EIPR1: variants seen among roughly 807,000 people sequenced by gnomAD.
EIPR1 encodes the protein EARP and GARP complex-interacting protein 1.
In EIPR1, 25 loss-of-function variants were observed where a neutral mutation model predicts 48.1. That is an observed-to-expected ratio of 0.52 (90% CI 0.38 to 0.73). The LOEUF (loss-of-function observed/expected upper bound fraction) is 0.73. EIPR1 is among the 30% of genes least tolerant of loss of function. The pLI, the probability that EIPR1 is intolerant of heterozygous loss-of-function variation, is 0.00. For synonymous variants in EIPR1, 204 were observed against 201.9 expected (o/e 1.01, Z -0.09); for missense variants, 415 against 506.2 (o/e 0.82, Z 1.73).
chr2:3,258,674 C>A lies in EIPR1; in HGVS notation c.260-1219G>T, dbSNP rs1667238017. 2.0e-5 allele frequency among the ~76,000 whole-genome samples: 3 copies of A among 152,170 alleles called. 1 individual carries two copies. Among genetic ancestry groups the A allele is most frequent in the Admixed American group, 6.5e-5 (1 of 15,278 alleles). ...AGCAACGAACTCAATGACAAAATAT[C>A]TAACTTTGTGAATATTATTAATACC... On this transcript the variant is annotated intron_variant, in intron 3 of 8. Transcript: ENST00000382125.
Position 3,194,026 on chromosome 2 carries a change from A to T in EIPR1, c.794T>A (p.Val265Glu). ...GTGGGAGTGCTCCTCCAGGGTCTTC[A>T]CGGGTTCGGTGACATTTCGGGTGTC... ...FWDTRNVTEP[V>E]KTLEEHSHWV... The change falls in exon 7 of 9, where the codon GTG becomes GAG. Residue 265 changes from valine to glutamate, a missense_variant. Val to Glu is a moderately radical substitution (Grantham distance 121). Transcript: ENST00000382125. The T allele has an allele frequency of 6.2e-7, 1 of 1,613,812 alleles. No individual in the cohort carries two copies. Among genetic ancestry groups the T allele is most frequent in the African/African-American group, 1.3e-5 (1 of 75,012 alleles).
At chr2:3,271,912 T>C (rs1667711657) in intron 3 of EIPR1, among the ~76,000 whole-genome samples, 1 of 152,262 alleles carries the variant, frequency 6.6e-6, no homozygotes, top group African/African-American at 2.4e-5. Context: ...GGGTATTTCA[T>C]TGACACTGAA....
At chr2:3,306,958 TA>T (rs1351878778) in intron 3 of EIPR1, among the ~76,000 whole-genome samples, 1 of 148,322 alleles carries the variant, frequency 6.7e-6, no homozygotes, top group African/African-American at 2.5e-5. Flanking sequence ...CCAATCTTTT[TA>T]TTTTTTTTTT....
intron 3 of EIPR1, among the ~76,000 whole-genome samples, chr2:3,287,846 TGCTCCAGAAA>T (rs1412585315): frequency 6.6e-6 from 1 of 151,966 alleles, no homozygotes; most frequent in Non-Finnish European, 1.5e-5. Flanking sequence ...TCATTCACCA[TGCTCCAGAAA>T]GCTCATTCAC....
Position 3,257,423 on chromosome 2 carries a change from C to G in EIPR1, c.292G>C (p.Val98Leu). 1 of 1,614,208 alleles carries G rather than the reference C, an allele frequency of 6.2e-7. No homozygotes were observed. The highest frequency in any genetic ancestry group is 8.5e-7 in the Non-Finnish European group (1 of 1,180,046). ...SDSKVLTCAA[V>L]WRMPKELESG... ...TCCAATTCCTTCGGCATCCTCCACA[C>G]GGCTGCACATGTCAGGACTTTGCTG... Residue 98 changes from valine (V) to leucine (L), a missense_variant, in exon 4 of 9, where the codon GTG (valine) becomes CTG (leucine). Coordinates refer to ENST00000382125, the MANE Select transcript of EIPR1 (RefSeq NM_003310.5).
intron 3 of EIPR1, among the ~76,000 whole-genome samples, chr2:3,278,989 T>C (rs956977148): frequency 6.6e-6 from 1 of 152,204 alleles, no homozygotes; most frequent in African/African-American, 2.4e-5. Context: ...CATTTTTTTA[T>C]GCCTACAGAA....
In EIPR1 at chr2:3,314,884, C is replaced by T. The variant is rs557097129; in HGVS notation, c.259+23133G>A. ...CCACGGGCTCTGCCTGGTGACCTGC[C>T]GCTCACTCTCAGGACCAGCAACAAG... On this transcript the variant is annotated intron_variant, in intron 3 of 8. Coordinates refer to ENST00000382125, the MANE Select transcript of EIPR1 (RefSeq NM_003310.5). Among the ~76,000 whole-genome samples the T allele has an allele frequency of 1.1e-4, 17 of 151,974 alleles. No homozygotes were observed. In the South Asian group the frequency reaches 2.7e-3, roughly 24 times the overall value.
At chr2:3,323,476 G>A (rs896309189) in intron 3 of EIPR1, among the ~76,000 whole-genome samples, 7 of 152,254 alleles carry the variant, frequency 4.6e-5, no homozygotes, top group Admixed American at 1.3e-4. Flanking sequence ...AGTTTCCTCC[G>A]AGCCCTGCAC....
intron 3 of EIPR1, among the ~76,000 whole-genome samples, chr2:3,324,705 T>A (rs1239863297): frequency 6.6e-6 from 1 of 152,218 alleles, no homozygotes; most frequent in East Asian, 1.9e-4. Context: ...GTCAGTGGGA[T>A]GATGCAGTAG....
intron 4 of EIPR1, among the ~76,000 whole-genome samples, chr2:3,225,220 ATATGTGTGTG>A (rs1414443478): frequency 2.0e-3 from 182 of 90,432 alleles, no homozygotes; most frequent in African/African-American, 6.4e-3. Context: ...GTACACTGTG[ATATGTGTGTG>A]TGTGTGTGTG....
intron 1 of EIPR1, among the ~76,000 whole-genome samples, chr2:3,365,617 G>C (rs891268029): frequency 8.6e-5 from 13 of 150,670 alleles, no homozygotes; most frequent in Non-Finnish European, 1.5e-4. Flanking sequence ...GGTTTTCCTA[G>C]GCAGAGGACC....
At chr2:3,268,298 C>T (rs948199653) in intron 3 of EIPR1, among the ~76,000 whole-genome samples, 1 of 152,186 alleles carries the variant, frequency 6.6e-6, no homozygotes, top group Non-Finnish European at 1.5e-5. Flanking sequence ...CAGAGGGTTC[C>T]CACACCCTCT....
intron 3 of EIPR1, among the ~76,000 whole-genome samples, chr2:3,277,486 T>C (rs1408392763): frequency 3.9e-5 from 6 of 152,238 alleles, no homozygotes; most frequent in South Asian, 2.1e-4. Context: ...GGCAAGACCA[T>C]TCTGCAAACA....
At chr2:3,348,189 C>T (rs1246924812) in intron 2 of EIPR1, among the ~76,000 whole-genome samples, 2 of 152,260 alleles carry the variant, frequency 1.3e-5, no homozygotes, top group East Asian at 1.9e-4. Context: ...GAAACTAAGA[C>T]GTTAGCCAGG....
At chr2:3,279,194 C>A (rs1667948303) in intron 3 of EIPR1, among the ~76,000 whole-genome samples, 1 of 152,080 alleles carries the variant, frequency 6.6e-6, no homozygotes, top group African/African-American at 2.4e-5. Context: ...TTAATTAACA[C>A]CCCTCACTCC....
intron 7 of EIPR1, among the ~76,000 whole-genome samples, chr2:3,193,276 G>C (rs75709471): frequency 6.6e-6 from 1 of 152,244 alleles, no homozygotes; most frequent in Non-Finnish European, 1.5e-5. Context: ...TTAACATACA[G>C]CTTCAGATAA....
At chr2:3,197,812 C>T (rs1197526681) in intron 5 of EIPR1, among the ~76,000 whole-genome samples, 1 of 152,220 alleles carries the variant, frequency 6.6e-6, no homozygotes, top group African/African-American at 2.4e-5. Flanking sequence ...GACACAGTTC[C>T]CACCACTAAT....
chr2:3,210,506 G>A (rs551928910), intron 5 of EIPR1, among the ~76,000 whole-genome samples: 2 of 152,272 alleles, frequency 1.3e-5, no homozygotes, highest in African/African-American at 4.8e-5. Flanking sequence ...ACAGCCACAT[G>A]CAGGGATGAG....
chr2:3,322,919 G>T (rs1310552950), intron 3 of EIPR1, among the ~76,000 whole-genome samples: 1 of 152,226 alleles, frequency 6.6e-6, no homozygotes, highest in African/African-American at 2.4e-5. Context: ...GCGAGTGGGT[G>T]ATCTGGCTGG....
Sources: gnomAD v4.1 joint callset for allele counts (sites outside exome capture counted in the v4.1 genomes callset) on GRCh38, gnomAD v4.1.1 for gene constraint, MANE v1.5 for transcripts, NCBI Gene and HGNC (gene_info 2026-07-23, HGNC 2026-07-21) for gene names.